P2RY14: variants seen among roughly 807,000 people sequenced by gnomAD.
P2RY14 encodes the protein purinergic receptor P2Y14, also known as P2Y purinoceptor 14.
P2RY14 carries 2 observed loss-of-function variants against 0.9 expected under a neutral mutation model. The observed-to-expected ratio is 2.16, with a 90% CI of 0.88 to 6.79. The LOEUF (loss-of-function observed/expected upper bound fraction) is 6.79. Ranked by LOEUF, P2RY14 falls within the 30% of genes most tolerant of loss-of-function variation. The pLI, the probability that P2RY14 is intolerant of heterozygous loss-of-function variation, is 0.05. For synonymous variants in P2RY14, 158 were observed against 147.2 expected (o/e 1.07, Z -0.53); for missense variants, 378 against 400.1 (o/e 0.94, Z 0.47).
At chr3:151,227,033 C>T in intron 1 of P2RY14, among the ~76,000 whole-genome samples, 1 of 152,180 alleles carries the variant, frequency 6.6e-6, no homozygotes, top group Non-Finnish European at 1.5e-5. Context: ...CACCTTCAGC[C>T]AGTTTTCTCT....
In P2RY14 at chr3:151,213,615, G is replaced by A; in HGVS notation, c.702C>T (p.Asn234=). ...STSVKKKSSR[N]IFSIVFVFFV... Reference sequence around the variant, plus strand: ...AAAACACAAACACGATGCTGAATATGTTGCGGCTAGATTTCTTTTTGACCG... The same window carrying A: ...AAAACACAAACACGATGCTGAATATATTGCGGCTAGATTTCTTTTTGACCG... The change falls in exon 3 of 3, where the codon AAC becomes AAT. Residue 234 remains asparagine, a synonymous_variant. Transcript: ENST00000309170. 1 of 1,614,154 alleles carries A rather than the reference G, an allele frequency of 6.2e-7. No individual in the cohort carries two copies. The highest frequency in any genetic ancestry group is 8.5e-7 in the Non-Finnish European group (1 of 1,180,018).
intron 1 of P2RY14, among the ~76,000 whole-genome samples, chr3:151,258,140 T>C (rs1446382825): frequency 6.6e-6 from 1 of 152,144 alleles, no homozygotes; most frequent in East Asian, 1.9e-4. Context: ...TGGGATTCAT[T>C]TTCTTCCACA....
intron 1 of P2RY14, among the ~76,000 whole-genome samples, chr3:151,235,748 G>A (rs1223521336): frequency 6.6e-6 from 1 of 151,912 alleles, no homozygotes; most frequent in Non-Finnish European, 1.5e-5. Flanking sequence ...TTGGGCAGAG[G>A]TCCTTGGAGC....
At chr3:151,223,794 A>C (rs1729902163) in intron 1 of P2RY14, among the ~76,000 whole-genome samples, 1 of 152,224 alleles carries the variant, frequency 6.6e-6, no homozygotes, top group Non-Finnish European at 1.5e-5. Context: ...AGTGTCACAC[A>C]ATATACCCAA....
chr3:151,268,986 T>C (rs1221917359), intron 1 of P2RY14, among the ~76,000 whole-genome samples: 2 of 152,322 alleles, frequency 1.3e-5, no homozygotes, highest in South Asian at 2.1e-4. Context: ...TGAACTTTCC[T>C]AGCGGTGTGA....
intron 1 of P2RY14, among the ~76,000 whole-genome samples, chr3:151,273,864 A>G (rs1741423258): frequency 6.6e-6 from 1 of 152,216 alleles, no homozygotes; most frequent in South Asian, 2.1e-4. Context: ...TTCAAATCAT[A>G]TTTAAGACCC....
At chr3:151,242,187 C>A (rs182307274) in intron 1 of P2RY14, among the ~76,000 whole-genome samples, 172 of 152,256 alleles carry the variant, frequency 1.1e-3, no homozygotes, top group Middle Eastern at 3.4e-3. Context: ...GGCAGCAACA[C>A]GGCTGGGGGA....
chr3:151,255,141 C>T (rs1022805165), intron 1 of P2RY14, among the ~76,000 whole-genome samples: 4 of 152,126 alleles, frequency 2.6e-5, no homozygotes, highest in Non-Finnish European at 4.4e-5. Flanking sequence ...TGAAGATTGA[C>T]TTATGGAATT....
chr3:151,277,824 T>C (rs986578576), intron 1 of P2RY14, among the ~76,000 whole-genome samples: 1 of 152,242 alleles, frequency 6.6e-6, no homozygotes, highest in Non-Finnish European at 1.5e-5. Flanking sequence ...TAAAAACTTT[T>C]ACCTATATAA....
chr3:151,257,632 A>T (rs1738076066), intron 1 of P2RY14, among the ~76,000 whole-genome samples: 1 of 152,242 alleles, frequency 6.6e-6, no homozygotes, highest in African/African-American at 2.4e-5. Flanking sequence ...ATTATTTCGT[A>T]TATGGAGAAC....
intron 1 of P2RY14, among the ~76,000 whole-genome samples, chr3:151,247,780 A>G (rs1014127960): frequency 4.6e-5 from 7 of 151,650 alleles, no homozygotes; most frequent in African/African-American, 1.7e-4. Context: ...AAAGCAAAAA[A>G]AAAATGAATT....
At position 151,213,570 on chromosome 3, in the gene P2RY14, G is replaced by A. The variant is rs1435163836; in HGVS notation, c.747C>T (p.Tyr249=). The change falls in exon 3 of 3, where the codon TAC becomes TAT. Residue 249 remains tyrosine, a synonymous_variant. Coordinates refer to ENST00000309170, the MANE Select transcript of P2RY14 (RefSeq NM_014879.4). Reference sequence around the variant, plus strand: ...TTGTGTAGGGGATTCTGGCAATATGGTAAGGTACAAAACAGACAAAAAACA... The same window carrying A: ...TTGTGTAGGGGATTCTGGCAATATGATAAGGTACAAAACAGACAAAAAACA... ...VFVFFVCFVP[Y]HIARIPYTKS... 6.8e-6 allele frequency: 11 copies of A among 1,614,034 alleles called. No individual in the cohort carries two copies.
chr3:151,254,912 G>A (rs546128120), intron 1 of P2RY14, among the ~76,000 whole-genome samples: 12 of 152,188 alleles, frequency 7.9e-5, no homozygotes, highest in African/African-American at 2.4e-4. Flanking sequence ...CATTCTTGTC[G>A]GAATAGTTGA....
At position 151,230,001 on chromosome 3, in the gene P2RY14, G is replaced by A. The variant is rs577789022; in HGVS notation, c.-132-10359C>T. Among the ~76,000 whole-genome samples the A allele has an allele frequency of 2.6e-5, 4 of 151,354 alleles. No homozygotes were observed. In the South Asian group the frequency reaches 6.3e-4, roughly 24 times the overall value. On this transcript the variant is annotated intron_variant, in intron 1 of 2. Transcript: ENST00000309170. The stretch of plus-strand genomic sequence containing the variant: ...GTTTTTGTTTTGGATATGGAGTCTC[G>A]CTCTGTTGCCCAGGCTGGAGTGCAG...
chr3:151,250,230 C>A (rs144993842), intron 1 of P2RY14, among the ~76,000 whole-genome samples: 68 of 152,238 alleles, frequency 4.5e-4, no homozygotes, highest in African/African-American at 1.6e-3. Flanking sequence ...ATCCAATTGA[C>A]ATTTTGAAAG....
chr3:151,264,536 G>C (rs61159567), intron 1 of P2RY14, among the ~76,000 whole-genome samples: 15 of 152,212 alleles, frequency 9.9e-5, no homozygotes, highest in African/African-American at 3.6e-4. Flanking sequence ...CCATAACCCA[G>C]TATGGAGAGT....
rs71801434 is a variant in P2RY14 at position 151,269,397 on chromosome 3, TCACACACACACACACACA to T, written c.-133+8872_-133+8889del. 2.1e-3 allele frequency: 307 copies of T among 144,784 alleles called. 3 individuals carry two copies. Among genetic ancestry groups the T allele is most frequent in the South Asian group, 0.013 (67 of 5,184 alleles). The allele number at this position is 144,784 out of a possible 1,614,324, so 9.0% of individuals were successfully genotyped here. The stretch of plus-strand genomic sequence containing the variant: ...CCTGGGCAACAAGAGTGAAACTCCA[TCACACACACACACACACA>T]CACACACACACACACACACACACAC... On this transcript the variant is annotated intron_variant, in intron 1 of 2. Transcript: ENST00000309170.
intron 1 of P2RY14, among the ~76,000 whole-genome samples, chr3:151,246,260 GA>G (rs1163694582): frequency 6.6e-4 from 100 of 152,216 alleles, no homozygotes; most frequent in Middle Eastern, 3.4e-3. Context: ...CACAGAATTG[GA>G]AAAAACTACT....
At chr3:151,222,506 G>A (rs1348970463) in intron 1 of P2RY14, among the ~76,000 whole-genome samples, 4 of 152,148 alleles carry the variant, frequency 2.6e-5, no homozygotes, top group Non-Finnish European at 5.9e-5. Flanking sequence ...CTGTTCTTGT[G>A]ATAGTGGATG....
Sources: gnomAD v4.1 joint callset for allele counts (sites outside exome capture counted in the v4.1 genomes callset) on GRCh38, gnomAD v4.1.1 for gene constraint, MANE v1.5 for transcripts, NCBI Gene and HGNC (gene_info 2026-07-23, HGNC 2026-07-21) for gene names.